KCND2: variants seen among roughly 807,000 people sequenced by gnomAD.
KCND2 encodes the protein potassium voltage-gated channel subfamily D member 2.
Under a neutral mutation model 54.4 loss-of-function variants are expected in KCND2, and 16 were observed. The observed-to-expected ratio is 0.29, with a 90% CI of 0.20 to 0.45. KCND2 has a LOEUF of 0.45. Among genes scored for constraint, KCND2 ranks in the 20% least tolerant of loss-of-function variants. KCND2 has a pLI of 1.00. For synonymous variants in KCND2, 317 were observed against 310.7 expected, an observed-to-expected ratio of 1.02 and a Z score of -0.21; for missense variants, 486 against 824.2, an observed-to-expected ratio of 0.59 and a Z score of 5.02.
At chr7:120,717,245 C>G (rs377044192) in intron 1 of KCND2, among the ~76,000 whole-genome samples, 5 of 152,002 alleles carry the variant, frequency 3.3e-5, no homozygotes, top group African/African-American at 1.2e-4. Context: ...ATCATGAAAC[C>G]ATGACGATGT....
At chr7:120,510,531 A>G (rs996445527) in intron 1 of KCND2, among the ~76,000 whole-genome samples, 2 of 152,102 alleles carry the variant, frequency 1.3e-5, no homozygotes, top group Admixed American at 6.6e-5. Context: ...CACTTTATAT[A>G]CATTTATTCA....
At chr7:120,671,409 A>T (rs563260847) in intron 1 of KCND2, among the ~76,000 whole-genome samples, 1 of 152,168 alleles carries the variant, frequency 6.6e-6, no homozygotes, top group South Asian at 2.1e-4. Flanking sequence ...CCTGCTATGT[A>T]GCCTGGTTGC....
chr7:120,515,565 C>T (rs995760371), intron 1 of KCND2, among the ~76,000 whole-genome samples: 22 of 151,896 alleles, frequency 1.4e-4, no homozygotes, highest in Admixed American at 3.9e-4. Context: ...AGAAGGTTCC[C>T]GTGGAGCTGA....
chr7:120,377,154 A>G (rs749987966), intron 1 of KCND2, among the ~76,000 whole-genome samples: 1 of 151,980 alleles, frequency 6.6e-6, no homozygotes, highest in Admixed American at 6.6e-5. Flanking sequence ...ATAAAAGTTA[A>G]TTTTGTCCTT....
At chr7:120,285,458 A>T (rs1393815227) in intron 1 of KCND2, among the ~76,000 whole-genome samples, 1 of 152,016 alleles carries the variant, frequency 6.6e-6, no homozygotes, top group Non-Finnish European at 1.5e-5. Context: ...GAACATTACT[A>T]TAGTTAGAAA....
intron 1 of KCND2, among the ~76,000 whole-genome samples, chr7:120,501,557 A>G (rs1802935725): frequency 6.6e-6 from 1 of 152,188 alleles, no homozygotes; most frequent in Non-Finnish European, 1.5e-5. Flanking sequence ...AAATACTTAT[A>G]GTTTTGAAAA....
chr7:120,568,459 A>G (rs548866879), intron 1 of KCND2, among the ~76,000 whole-genome samples: 1 of 152,216 alleles, frequency 6.6e-6, no homozygotes, highest in South Asian at 2.1e-4. Flanking sequence ...AAGGGATTCT[A>G]TTTTCTTTCA....
chr7:120,404,412 ATTTC>A (rs1801318667), intron 1 of KCND2, among the ~76,000 whole-genome samples: 1 of 152,306 alleles, frequency 6.6e-6, no homozygotes, highest in East Asian at 1.9e-4. Flanking sequence ...TTAATGTCAC[ATTTC>A]TTTATTTTTA....
intron 1 of KCND2, among the ~76,000 whole-genome samples, chr7:120,318,789 C>T (rs1286102453): frequency 6.6e-6 from 1 of 152,002 alleles, no homozygotes; most frequent in Non-Finnish European, 1.5e-5. Flanking sequence ...ACTAGCATAT[C>T]AGATTCAGAA....
intron 1 of KCND2, among the ~76,000 whole-genome samples, chr7:120,702,728 T>A (rs1792418867): frequency 6.6e-6 from 1 of 151,970 alleles, no homozygotes; most frequent in Non-Finnish European, 1.5e-5. Flanking sequence ...AGGAGCTAAA[T>A]GATAAGAACA....
At chr7:120,533,380 A>G (rs1037465064) in intron 1 of KCND2, among the ~76,000 whole-genome samples, 2 of 152,146 alleles carry the variant, frequency 1.3e-5, no homozygotes, top group Non-Finnish European at 2.9e-5. Flanking sequence ...TGGAGATGTC[A>G]TCGCCATAGT....
chr7:120,506,763 A>G (rs1803028425), intron 1 of KCND2, among the ~76,000 whole-genome samples: 1 of 151,896 alleles, frequency 6.6e-6, no homozygotes, highest in Admixed American at 6.6e-5. Flanking sequence ...ATACAAAGAT[A>G]ACACTTTGCA....
chr7:120,745,766 C>A lies in KCND2; in HGVS notation c.1468-14C>A. ...GCTTCTCTGTTTCTTCATTTACTTA[C>A]AACTGTGGAACAGAATCACGAGTTT... On this transcript the variant is annotated splice_polypyrimidine_tract_variant and intron_variant, in intron 4 of 5. Coordinates refer to ENST00000331113, the MANE Select transcript of KCND2 (RefSeq NM_012281.3). The A allele has an allele frequency of 6.2e-7, 1 of 1,613,320 alleles. No individual in the cohort carries two copies. Among genetic ancestry groups the A allele is most frequent in the South Asian group, 1.1e-5 (1 of 91,074 alleles).
chr7:120,402,736 C>G (rs1050723836), intron 1 of KCND2, among the ~76,000 whole-genome samples: 2 of 152,094 alleles, frequency 1.3e-5, no homozygotes, highest in African/African-American at 4.8e-5. Context: ...TAAAATGAAC[C>G]TGCAAATATT....
chr7:120,604,510 C>T (rs868013708), intron 1 of KCND2, among the ~76,000 whole-genome samples: 3 of 140,244 alleles, frequency 2.1e-5, no homozygotes, highest in Non-Finnish European at 3.1e-5. Context: ...CTAAAAATAA[C>T]AATAATAATA....
intron 1 of KCND2, among the ~76,000 whole-genome samples, chr7:120,396,977 T>G (rs1264841359): frequency 6.6e-6 from 1 of 152,076 alleles, no homozygotes; most frequent in African/African-American, 2.4e-5. Flanking sequence ...TTTTTAATTA[T>G]TTACAATTTG....
At chr7:120,679,978 A>G (rs138416172) in intron 1 of KCND2, among the ~76,000 whole-genome samples, 81 of 152,232 alleles carry the variant, frequency 5.3e-4, no homozygotes, top group African/African-American at 1.8e-3. Context: ...GGAAAAAGTC[A>G]GAGACGGTTT....
chr7:120,481,380 T>G (rs745525322), intron 1 of KCND2, among the ~76,000 whole-genome samples: 2 of 152,140 alleles, frequency 1.3e-5, no homozygotes, highest in Non-Finnish European at 2.9e-5. Context: ...AAATAAAATT[T>G]AAGTGGAAAT....
chr7:120,662,371 A>G (rs924509571), intron 1 of KCND2, among the ~76,000 whole-genome samples: 16 of 152,206 alleles, frequency 1.1e-4, no homozygotes, highest in Non-Finnish European at 2.9e-5. Flanking sequence ...TCTCATTATA[A>G]CAATTGTCAT....
Sources: gnomAD v4.1 joint callset for allele counts (sites outside exome capture counted in the v4.1 genomes callset) on GRCh38, gnomAD v4.1.1 for gene constraint, MANE v1.5 for transcripts, NCBI Gene and HGNC (gene_info 2026-07-23, HGNC 2026-07-21) for gene names.